The following VANGL1 variants were observed in gnomAD, a reference collection of about 807,000 sequenced individuals.
VANGL1 encodes vang-like protein 1.
In VANGL1, 18 loss-of-function variants were observed where a neutral mutation model predicts 48.4. The observed-to-expected ratio is 0.37, with a 90% CI of 0.26 to 0.55. VANGL1 has a LOEUF of 0.55. Ranked by LOEUF, VANGL1 falls within the 20% of genes least tolerant of loss-of-function variation. VANGL1 has a pLI of 0.81. For missense variants in VANGL1, 667 were observed against 675.8 expected (o/e 0.99, Z 0.14); for synonymous variants, 257 against 261.8 (o/e 0.98, Z 0.18).
chr1:115,645,141 C>T (rs555127046), intron 1 of VANGL1, among the ~76,000 whole-genome samples: 4 of 152,310 alleles, frequency 2.6e-5, no homozygotes, highest in African/African-American at 9.6e-5. Context: ...AAAACACACA[C>T]GGTTTCCTCT....
chr1:115,690,939 C>T (rs1209191333), intron 7 of VANGL1, among the ~76,000 whole-genome samples, 180 bp from the exon 8 acceptor site: 1 of 152,206 alleles, frequency 6.6e-6, no homozygotes, highest in Non-Finnish European at 1.5e-5. Flanking sequence ...AGTCTTCCCT[C>T]CCCAGTAATG....
At chr1:115,671,609 G>A (rs1427527807) in intron 4 of VANGL1, among the ~76,000 whole-genome samples, 1 of 152,214 alleles carries the variant, frequency 6.6e-6, no homozygotes, top group African/African-American at 2.4e-5. Context: ...TGCCTCTGCT[G>A]TTTATCTTGG....
At chr1:115,650,370 C>T (rs1272866418) in intron 1 of VANGL1, among the ~76,000 whole-genome samples, 2 of 152,012 alleles carry the variant, frequency 1.3e-5, no homozygotes, top group African/African-American at 4.8e-5. Flanking sequence ...AAAATTTTAG[C>T]ATGTGGGAGC....
At chr1:115,665,903 GT>G (rs200073818) in intron 4 of VANGL1, among the ~76,000 whole-genome samples, 1,583 of 152,340 alleles carry the variant, frequency 0.01, 21 homozygotes, top group Middle Eastern at 0.017. Flanking sequence ...CTCAGCACCT[GT>G]GGCACTCACA....
intron 4 of VANGL1, among the ~76,000 whole-genome samples, chr1:115,677,065 C>T (rs1385777360): frequency 6.6e-6 from 1 of 152,236 alleles, no homozygotes; most frequent in Non-Finnish European, 1.5e-5. Context: ...CCTCCCACAG[C>T]CTCTGTGCAG....
chr1:115,660,590 A>C (rs968935239), intron 3 of VANGL1, among the ~76,000 whole-genome samples: 1 of 152,226 alleles, frequency 6.6e-6, no homozygotes, highest in Non-Finnish European at 1.5e-5. Flanking sequence ...TGAGCTATAC[A>C]CAGAAACATG....
At position 115,663,770 on chromosome 1, in the gene VANGL1, T is replaced by G. The variant is rs1489081626; in HGVS notation, c.314T>G (p.Leu105Arg). The G allele has an allele frequency of 1.9e-6, 3 of 1,614,218 alleles. No homozygotes were observed. The highest frequency in any genetic ancestry group is 2.7e-5 in the African/African-American group (2 of 75,050). ...AAGGACATGGAGGACAGCGTGGGGC[T>G]GGATTGCAAACGCTACCTGGGCCTC... is the stretch of plus-strand genomic sequence containing the variant. ...ISKDMEDSVGLDCKRYLGLTV... is the reference protein window; with the variant it reads ...ISKDMEDSVGRDCKRYLGLTV... Residue 105 changes from leucine (L) to arginine (R), a missense_variant, in exon 4 of 8, where the codon CTG becomes CGG. Physicochemically the swap from Leu to Arg is moderately radical, Grantham distance 102. Transcript: ENST00000355485.
At chr1:115,650,203 C>T (rs1274327466) in intron 1 of VANGL1, among the ~76,000 whole-genome samples, 4 of 152,118 alleles carry the variant, frequency 2.6e-5, no homozygotes, top group Admixed American at 2.6e-4. Flanking sequence ...ATGGCATTTA[C>T]AGCTCCTTTG....
chr1:115,685,147 T>TGA, intron 6 of VANGL1, 146 bp from the exon 7 acceptor site: 1 of 852,200 alleles, frequency 1.2e-6, no homozygotes, highest in Non-Finnish European at 1.9e-6. Context: ...CTCCACTCTC[T>TGA]GAGGGACAGC....
rs549392194 is a variant in VANGL1 at position 115,683,391 on chromosome 1, C to T, written c.947-553C>T. On this transcript the variant is annotated intron_variant, in intron 5 of 7. Coordinates refer to ENST00000355485, the MANE Select transcript of VANGL1 (RefSeq NM_138959.3). Reference sequence around the variant, plus strand: ...TGAGTCTGTATTCATTAACGGGTCACGTTGCACACCCTCAAGCATTGGTAT... The same window carrying T: ...TGAGTCTGTATTCATTAACGGGTCATGTTGCACACCCTCAAGCATTGGTAT... 3.3e-4 allele frequency among the ~76,000 whole-genome samples: 51 copies of T among 152,278 alleles called. 1 individual carries two copies. Among genetic ancestry groups the T allele is most frequent in the Non-Finnish European group, 1.3e-4 (9 of 68,032 alleles).
intron 2 of VANGL1, among the ~76,000 whole-genome samples, chr1:115,658,402 C>CA (rs1394190403): frequency 6.6e-6 from 1 of 152,238 alleles, no homozygotes; most frequent in Non-Finnish European, 1.5e-5. Context: ...TAATAGCAAT[C>CA]ATAGCCACTG....
intron 1 of VANGL1, chr1:115,642,568 C>A (rs766334582): frequency 6.6e-6 from 1 of 152,198 alleles, no homozygotes; most frequent in Admixed American, 6.5e-5. Context: ...TGGCGGGGCT[C>A]GACCCGGGCG....
At chr1:115,655,188 C>T (rs1397450304) in intron 2 of VANGL1, among the ~76,000 whole-genome samples, 3 of 152,080 alleles carry the variant, frequency 2.0e-5, no homozygotes, top group Non-Finnish European at 2.9e-5. Context: ...AGAGAAAGGA[C>T]GGGTCGTGGG....
Position 115,659,738 on chromosome 1 carries a change from T to C in VANGL1, c.169T>C (p.Leu57=). 1 of 1,614,174 alleles carries C rather than the reference T, an allele frequency of 6.2e-7. No individual in the cohort carries two copies. Among genetic ancestry groups the C allele is most frequent in the Non-Finnish European group, 8.5e-7 (1 of 1,180,022 alleles). Residue 57 remains leucine (L), a synonymous_variant, in exon 3 of 8, where the codon TTG becomes CTG. Transcript: ENST00000355485. ...TIQPPTGEPL[L]GNDSTRTEEV... is the part of the protein sequence containing the mutation. The stretch of plus-strand genomic sequence containing the variant: ...TCAACCTCCCACTGGAGAGCCCCTG[T>C]TGGGAAATGATTCTACTCGGACAGA...
intron 4 of VANGL1, among the ~76,000 whole-genome samples, chr1:115,666,018 T>C (rs1197715691): frequency 1.3e-5 from 2 of 152,078 alleles, no homozygotes; most frequent in Admixed American, 1.3e-4. Context: ...AATTTCAGAT[T>C]GTGGCAGCAA....
chr1:115,666,583 C>G (rs1652799057), intron 4 of VANGL1, among the ~76,000 whole-genome samples: 1 of 152,192 alleles, frequency 6.6e-6, no homozygotes, highest in African/African-American at 2.4e-5. Flanking sequence ...CTTTAAAAAA[C>G]TCAAGTCAGT....
intron 3 of VANGL1, 91 bp downstream of exon 3, chr1:115,659,864 C>G: frequency 6.4e-7 from 1 of 1,560,976 alleles, no homozygotes; most frequent in Non-Finnish European, 8.8e-7. Flanking sequence ...GGATTTTTGT[C>G]TTTATTTTTC....
At chr1:115,653,395 T>G (rs1441797644) in intron 2 of VANGL1, among the ~76,000 whole-genome samples, 1 of 152,202 alleles carries the variant, frequency 6.6e-6, no homozygotes, top group Non-Finnish European at 1.5e-5. Context: ...GATTTAGTTA[T>G]GAAATACCAG....
chr1:115,674,083 T>C (rs1653080195), intron 4 of VANGL1, among the ~76,000 whole-genome samples: 1 of 152,200 alleles, frequency 6.6e-6, no homozygotes. Flanking sequence ...ACTGACCCTG[T>C]TGCTCTATTG....
Sources: gnomAD v4.1 joint callset for allele counts (sites outside exome capture counted in the v4.1 genomes callset) on GRCh38, gnomAD v4.1.1 for gene constraint, MANE v1.5 for transcripts, NCBI Gene and HGNC (gene_info 2026-07-23, HGNC 2026-07-21) for gene names.